Variants in CROCC2 observed in about 807,000 individuals in gnomAD.
CROCC2 encodes ciliary rootlet coiled-coil, rootletin family member 2.
A neutral mutation model predicts 177.6 loss-of-function variants in CROCC2; 163 were observed. The ratio of observed to expected loss-of-function variants is 0.92; its 90% confidence interval spans 0.81 to 1.05. CROCC2 has a LOEUF of 1.05. Ranked by LOEUF, CROCC2 falls within the 50% of genes least tolerant of loss-of-function variation. CROCC2 has a pLI of 0.00. For missense variants in CROCC2, 1,929 were observed against 1,797.8 expected (o/e 1.07, Z -1.32); for synonymous variants, 904 against 787.3 (o/e 1.15, Z -2.48).
intron 29 of CROCC2, 69 bp downstream of exon 29, chr2:240,988,939 G>A: frequency 7.5e-7 from 1 of 1,330,952 alleles, no homozygotes; most frequent in South Asian, 2.2e-5. Flanking sequence ...ATCCAGGAGG[G>A]TGTCAGTTCC....
Position 240,950,470 on chromosome 2 carries a change from G to C in CROCC2, c.2789G>C (p.Arg930Pro). 6.5e-7 allele frequency: 1 copy of C among 1,550,204 alleles called. No individual in the cohort carries two copies. The highest frequency in any genetic ancestry group is 8.7e-7 in the Non-Finnish European group (1 of 1,146,794). ...GAAATTCAGAGCCTGAAGCAGGAGC[G>C]GGACGAGAGCCTTCTCCAACTGGAG... ...KGEIQSLKQE[R>P]DESLLQLEHK... Residue 930 changes from arginine to proline, a missense_variant, in exon 18 of 32, where the codon CGG becomes CCG. Physicochemically the swap from Arg to Pro is moderately radical, Grantham distance 103. Transcript: ENST00000690015.
intron 3 of CROCC2, among the ~76,000 whole-genome samples, chr2:240,922,272 G>A (rs1369847407): frequency 6.6e-6 from 1 of 152,162 alleles, no homozygotes; most frequent in Non-Finnish European, 1.5e-5. Context: ...AAGGCCTGAT[G>A]GGATTGGCAC....
intron 20 of CROCC2, among the ~76,000 whole-genome samples, chr2:240,962,316 G>T (rs2059648582): frequency 6.6e-6 from 1 of 151,852 alleles, no homozygotes; most frequent in South Asian, 2.1e-4. Flanking sequence ...GGGAGTGGGG[G>T]CAGGCCCTCC....
chr2:240,991,417 T>A, intron 31 of CROCC2, 139 bp downstream of exon 31: 1 of 698,506 alleles, frequency 1.4e-6, no homozygotes, highest in Non-Finnish European at 2.3e-6. Context: ...CCTTGTGCTC[T>A]GCACAAGAGG....
At position 240,965,712 on chromosome 2, in the gene CROCC2, TCC is replaced by T. The variant is rs1341427261; in HGVS notation, c.3681_3682del (p.Arg1228Ter). 3 of 1,548,260 alleles carry T rather than the reference TCC, an allele frequency of 1.9e-6. No homozygotes were observed. On this transcript the variant is annotated frameshift_variant, in exon 24 of 32. Coordinates refer to ENST00000690015, the MANE Select transcript of CROCC2 (RefSeq NM_001351305.2). LOFTEE classifies it high-confidence loss of function. ...CATGGACAGCGGCTCCAGGAGCACC[TCC>T]GTGAGAGCCGGGGGGCTGAGCAGAC...
At position 240,948,988 on chromosome 2, in the gene CROCC2, G is replaced by A; in HGVS notation, c.2373G>A (p.Arg791=). 1 of 1,550,356 alleles carries A rather than the reference G, an allele frequency of 6.5e-7. No homozygotes were observed. Among genetic ancestry groups the A allele is most frequent in the Non-Finnish European group, 8.7e-7 (1 of 1,146,930 alleles). Residue 791 remains arginine, a synonymous_variant, in exon 16 of 32, where the codon AGG becomes AGA. Transcript: ENST00000690015. ...TGCTGCATCTTTGCAGGGTGGAGAG[G>A]GACTCCCTGGAGAGCAGCCTCCTTG... ...AEEAADLRVE[R]DSLESSLLEA...
At chr2:240,932,084 T>A (rs2059435003) in intron 7 of CROCC2, among the ~76,000 whole-genome samples, 1 of 152,204 alleles carries the variant, frequency 6.6e-6, no homozygotes, top group African/African-American at 2.4e-5. Flanking sequence ...CATCTGAGGC[T>A]GGAGAGCTGG....
chr2:240,935,254 T>C, intron 13 of CROCC2, 104 bp from the exon 14 acceptor site: 1 of 1,226,792 alleles, frequency 8.2e-7, no homozygotes, highest in Non-Finnish European at 1.1e-6. Flanking sequence ...GGGCCAGGCC[T>C]GAGGGAGGGA....
intron 22 of CROCC2, 137 bp downstream of exon 22, chr2:240,964,762 C>A: frequency 9.0e-7 from 1 of 1,113,232 alleles, no homozygotes; most frequent in Non-Finnish European, 1.3e-6. Flanking sequence ...TGGGCCACGC[C>A]CTGCTCAGGC....
In CROCC2 at chr2:240,972,626, G is replaced by GTA. The variant is rs1559188023; in HGVS notation, c.4401+4366_4401+4367dup. ...TCTGACATTGACCAGACCTTTGTCT[G>GTA]TATGCATTTTTCTGCTTGGTCTAGA... On this transcript the variant is annotated intron_variant, in intron 27 of 31. Coordinates refer to ENST00000690015, the MANE Select transcript of CROCC2 (RefSeq NM_001351305.2). The surrounding 1 kb of genome is among the most constrained non-coding windows in gnomAD (Gnocchi z 7.1). Among the ~76,000 whole-genome samples, 1 of 151,802 alleles carries GTA rather than the reference G, an allele frequency of 6.6e-6. No individual in the cohort carries two copies. Among genetic ancestry groups the GTA allele is most frequent in the East Asian group, 1.9e-4 (1 of 5,166 alleles).
chr2:240,964,037 A>C, intron 21 of CROCC2: 1 of 577,418 alleles, frequency 1.7e-6, no homozygotes, highest in South Asian at 2.1e-5. Flanking sequence ...GATAGGTCAC[A>C]GGTGGCCTCC....
At chr2:240,939,213 A>C (rs2059484318) in intron 14 of CROCC2, among the ~76,000 whole-genome samples, 1 of 152,096 alleles carries the variant, frequency 6.6e-6, no homozygotes, top group Admixed American at 6.5e-5. Context: ...AAAAATTATA[A>C]ATGGGTACTG....
intron 14 of CROCC2, among the ~76,000 whole-genome samples, chr2:240,945,323 G>A (rs971552483): frequency 8.5e-5 from 13 of 152,312 alleles, no homozygotes; most frequent in African/African-American, 3.1e-4. Flanking sequence ...CGTGAGCTTC[G>A]GTGTCTATGA....
chr2:240,987,657 T>G (rs959077040), intron 28 of CROCC2, among the ~76,000 whole-genome samples: 1 of 152,242 alleles, frequency 6.6e-6, no homozygotes, highest in Admixed American at 6.5e-5. Context: ...GTGTGTGCAC[T>G]GAGCCCCAGG....
At chr2:240,948,773 C>T (rs1448470384) in intron 15 of CROCC2, among the ~76,000 whole-genome samples, 1 of 152,176 alleles carries the variant, frequency 6.6e-6, no homozygotes, top group Non-Finnish European at 1.5e-5. Context: ...TGGGGGGACT[C>T]TTTTCATGAC....
intron 8 of CROCC2, 141 bp downstream of exon 8, chr2:240,932,555 G>T (rs375488849): frequency 1.5e-6 from 1 of 689,092 alleles, no homozygotes; most frequent in Non-Finnish European, 2.7e-6. Flanking sequence ...TTTGAGGCAC[G>T]TCAGGAAGGT....
chr2:240,915,000 G>T (rs1200450491), intron 1 of CROCC2, among the ~76,000 whole-genome samples: 1 of 152,234 alleles, frequency 6.6e-6, no homozygotes, highest in Non-Finnish European at 1.5e-5. Flanking sequence ...CCAAGACTCG[G>T]GTTTTTCGGT....
rs913794335 is a variant in CROCC2 at position 240,953,825 on chromosome 2, T to C, written c.2830-2034T>C. Among the ~76,000 whole-genome samples the C allele has an allele frequency of 9.9e-5, 15 of 152,192 alleles. No homozygotes were observed. Among genetic ancestry groups the C allele is most frequent in the Admixed American group, 2.0e-4 (3 of 15,280 alleles). On this transcript the variant is annotated intron_variant, in intron 18 of 31. Transcript: ENST00000690015. This position sits in a 1 kb window ranked among gnomAD's most constrained non-coding sequence, Gnocchi z 4.0. ...CTGGCCCAGGAGGGGCTGTCTCCAC[T>C]GGAACCCTCCATTCTCCGACCCGCT... is the stretch of plus-strand genomic sequence containing the variant.
intron 19 of CROCC2, among the ~76,000 whole-genome samples, chr2:240,957,142 T>C (rs2059596305): frequency 6.6e-6 from 1 of 152,034 alleles, no homozygotes; most frequent in South Asian, 2.1e-4. Flanking sequence ...CAGGAACAGG[T>C]AGGATTGAGG....
Sources: allele counts gnomAD v4.1 joint callset (sites outside exome capture counted in the v4.1 genomes callset), GRCh38; gene constraint gnomAD v4.1.1; non-coding constraint Gnocchi (gnomAD v3.1); transcripts MANE v1.5; gene names NCBI Gene and HGNC (gene_info 2026-07-23, HGNC 2026-07-21).